The following DTNB variants were observed in gnomAD, a reference collection of about 807,000 sequenced individuals.
The protein encoded by DTNB is dystrobrevin beta.
Under a neutral mutation model 90.7 loss-of-function variants are expected in DTNB, and 63 were observed. The ratio of observed to expected loss-of-function variants is 0.69; its 90% CI spans 0.57 to 0.86. The LOEUF (loss-of-function observed/expected upper bound fraction) is 0.86, where lower values mean the gene tolerates loss of function less well. DTNB is among the 40% of genes least tolerant of loss of function. The pLI is 0.00. For missense variants in DTNB, 744 were observed against 807.1 expected, an observed-to-expected ratio of 0.92 and a Z score of 0.95; for synonymous variants, 277 against 286.7, an observed-to-expected ratio of 0.97 and a Z score of 0.34.
chr2:25,528,203 C>T (rs1473338642), intron 9 of DTNB, among the ~76,000 whole-genome samples: 3 of 152,138 alleles, frequency 2.0e-5, no homozygotes, highest in African/African-American at 7.2e-5. Context: ...TAAAATTCAG[C>T]ATCCATTCAT....
chr2:25,516,336 T>C (rs976954052), intron 9 of DTNB, among the ~76,000 whole-genome samples: 5 of 152,076 alleles, frequency 3.3e-5, no homozygotes, highest in African/African-American at 4.8e-5. Flanking sequence ...AGCCTCAACC[T>C]CCCAGGCTCA....
At chr2:25,500,511 T>C (rs1040612545) in intron 9 of DTNB, among the ~76,000 whole-genome samples, 7 of 152,122 alleles carry the variant, frequency 4.6e-5, no homozygotes, top group African/African-American at 1.7e-4. Flanking sequence ...AAAAGAAATG[T>C]AAAATGCCCC....
chr2:25,522,409 G>A (rs999100742), intron 9 of DTNB, among the ~76,000 whole-genome samples: 1 of 152,144 alleles, frequency 6.6e-6, no homozygotes, highest in African/African-American at 2.4e-5. Context: ...TCAGATGCCT[G>A]TGTATATAAA....
At chr2:25,564,723 A>G (rs2058762286) in intron 8 of DTNB, among the ~76,000 whole-genome samples, 1 of 152,138 alleles carries the variant, frequency 6.6e-6, no homozygotes. Flanking sequence ...TTTTTAGTGC[A>G]CAAGTTTAGT....
intron 4 of DTNB, among the ~76,000 whole-genome samples, chr2:25,620,610 T>C (rs537004610): frequency 6.6e-6 from 1 of 152,328 alleles, no homozygotes; most frequent in South Asian, 2.1e-4. Flanking sequence ...AGAAGATTCT[T>C]ATTTGTAAAT....
chr2:25,419,696 G>A (rs1027643118), intron 15 of DTNB, among the ~76,000 whole-genome samples, 161 bp from the exon 16 acceptor site: 3 of 152,130 alleles, frequency 2.0e-5, no homozygotes, highest in African/African-American at 7.2e-5. Context: ...TCCCCCACAG[G>A]AGCATCAGAG....
chr2:25,606,119 A>C (rs2067045894), intron 5 of DTNB, among the ~76,000 whole-genome samples: 1 of 151,858 alleles, frequency 6.6e-6, no homozygotes, highest in Non-Finnish European at 1.5e-5. Flanking sequence ...AAACAAATAC[A>C]CCTATGAAGT....
At chr2:25,585,343 G>C (rs2062187804) in intron 6 of DTNB, among the ~76,000 whole-genome samples, 1 of 152,082 alleles carries the variant, frequency 6.6e-6, no homozygotes, top group African/African-American at 2.4e-5. Context: ...GATCCACTGA[G>C]CGAAACCACC....
intron 10 of DTNB, among the ~76,000 whole-genome samples, chr2:25,465,284 G>A (rs1261702229): frequency 6.6e-6 from 1 of 151,772 alleles, no homozygotes; most frequent in Admixed American, 6.6e-5. Flanking sequence ...GCTGAGGCAG[G>A]AGAATGGGGT....
At position 25,607,237 on chromosome 2, in the gene DTNB, T is replaced by A; in HGVS notation, c.447A>T (p.Arg149Ser). ...TTCAAATAATATGAAAATACTTACA[T>A]CTCAATTTGTCCAGCATTTTTCCAC... ...MCGGKMLDKL[R>S]YVFSQMSDSN... The change falls in exon 5 of 21, where the codon AGA (arginine) becomes AGT (serine). Residue 149 changes from arginine (R) to serine (S), a missense_variant and splice_region_variant. Coordinates refer to ENST00000406818, the MANE Select transcript of DTNB (RefSeq NM_021907.5). The A allele has an allele frequency of 6.3e-7, 1 of 1,594,470 alleles. No individual in the cohort carries two copies. The highest frequency in any genetic ancestry group is 8.5e-7 in the Non-Finnish European group (1 of 1,169,776).
intron 16 of DTNB, among the ~76,000 whole-genome samples, chr2:25,390,406 T>C (rs2040766771): frequency 6.6e-6 from 1 of 152,076 alleles, no homozygotes; most frequent in Non-Finnish European, 1.5e-5. Flanking sequence ...CTGGCTTTCA[T>C]TGAAATTTTA....
rs549046351 is a variant in DTNB, at chr2:25,528,501, C to A, written c.1001+2972G>T. ...AAGACACAAAGCAGTCATTATTTGC[C>A]GATTATATAATTATTTATAGAAAAT... On this transcript the variant is annotated intron_variant, in intron 9 of 20. Coordinates refer to ENST00000406818, the MANE Select transcript of DTNB (RefSeq NM_021907.5). Among the ~76,000 whole-genome samples, 5 of 151,904 alleles carry A rather than the reference C, an allele frequency of 3.3e-5. 1 individual carries two copies. The South Asian group carries it at 1.0e-3, about 32-fold the overall frequency.
chr2:25,575,262 G>C (rs1200149097), intron 8 of DTNB, among the ~76,000 whole-genome samples: 1 of 150,942 alleles, frequency 6.6e-6, no homozygotes, highest in African/African-American at 2.4e-5. Context: ...AAAACCAGTG[G>C]AAAAAACATT....
intron 1 of DTNB, among the ~76,000 whole-genome samples, chr2:25,673,131 C>T (rs958241009): frequency 9.2e-5 from 14 of 151,668 alleles, no homozygotes; most frequent in South Asian, 2.1e-4. Context: ...GACCCCGATA[C>T]CCCTCCCGGC....
At chr2:25,386,545 G>A (rs951152308) in intron 18 of DTNB, among the ~76,000 whole-genome samples, 68 of 152,202 alleles carry the variant, frequency 4.5e-4, no homozygotes, top group African/African-American at 1.3e-3. Context: ...CTGTGAAATC[G>A]TTAGTGACTC....
chr2:25,500,241 C>A (rs2070210964), intron 9 of DTNB, among the ~76,000 whole-genome samples: 1 of 152,000 alleles, frequency 6.6e-6, no homozygotes, highest in South Asian at 2.1e-4. Flanking sequence ...AATGTATTGG[C>A]TGAAACCCAA....
intron 9 of DTNB, among the ~76,000 whole-genome samples, chr2:25,504,337 AAGGAAGGAAGG>A (rs1330756690): frequency 3.3e-5 from 5 of 149,754 alleles, no homozygotes; most frequent in African/African-American, 4.9e-5. Context: ...AGAAAGAAGG[AAGGAAGGAAGG>A]AGGAAGGAAG....
chr2:25,627,894 G>A (rs547464741), intron 4 of DTNB, among the ~76,000 whole-genome samples: 10 of 151,948 alleles, frequency 6.6e-5, no homozygotes, highest in African/African-American at 2.2e-4. Context: ...CCACCACCAC[G>A]CCCGGCTAAT....
At position 25,639,156 on chromosome 2, in the gene DTNB, A is replaced by G. The variant is rs1573873195; in HGVS notation, c.68-62T>C. On this transcript the variant is annotated intron_variant, in intron 2 of 20. Transcript: ENST00000406818. ...ACCATTTAGTTTCCAAACGCTAGGA[A>G]ATGACTCCATTCTATTGTATTGTCA... The G allele has an allele frequency of 2.0e-6, 3 of 1,470,622 alleles. No individual in the cohort carries two copies. The East Asian group carries it at 7.5e-5, about 37-fold the overall frequency. The allele number at this position is 1,470,622 out of a possible 1,614,324, so 91.1% of individuals were successfully genotyped here.
Sources: allele counts gnomAD v4.1 joint callset (sites outside exome capture counted in the v4.1 genomes callset), GRCh38; gene constraint gnomAD v4.1.1; transcripts MANE v1.5; gene names NCBI Gene and HGNC (gene_info 2026-07-23, HGNC 2026-07-21).